The following DLG2 variants were observed in gnomAD, a reference collection of about 807,000 sequenced individuals.
DLG2 encodes the protein disks large homolog 2.
DLG2 carries 45 observed loss-of-function variants against 132.5 expected under a neutral mutation model. That is an observed-to-expected ratio of 0.34 (90% CI 0.27 to 0.44). The LOEUF (loss-of-function observed/expected upper bound fraction) is 0.44. Among genes scored for constraint, DLG2 ranks in the 20% least tolerant of loss-of-function variants. The pLI is 1.00. For missense variants in DLG2, 1,045 were observed against 1,196.9 expected, an observed-to-expected ratio of 0.87 and a Z score of 1.87; for synonymous variants, 424 against 419.6, an observed-to-expected ratio of 1.01 and a Z score of -0.13.
rs372376318 is a variant in DLG2 at position 85,349,815 on chromosome 11, T to G, written c.41-64450A>C. Among the ~76,000 whole-genome samples the G allele has an allele frequency of 1.1e-4, 17 of 152,188 alleles. 1 individual carries two copies. The East Asian group carries it at 1.2e-3, about 10-fold the overall frequency. On this transcript the variant is annotated intron_variant, in intron 3 of 27. Coordinates refer to ENST00000376104, the MANE Select transcript of DLG2 (RefSeq NM_001142699.3). ...TTTTCTCAATCCAGTCTGTCACTGA[T>G]GGACATTTTGGTTGGTTCCAAGTCT...
intron 6 of DLG2, among the ~76,000 whole-genome samples, chr11:84,624,473 C>T (rs2099618845): frequency 1.3e-5 from 2 of 152,050 alleles, no homozygotes; most frequent in Non-Finnish European, 2.9e-5. Flanking sequence ...TTTATTATCA[C>T]TATTAGAACA....
At chr11:84,920,810 C>A (rs1289969438) in intron 6 of DLG2, among the ~76,000 whole-genome samples, 1 of 151,826 alleles carries the variant, frequency 6.6e-6, no homozygotes, top group Non-Finnish European at 1.5e-5. Flanking sequence ...CAATAAAATT[C>A]TTTGTTATAT....
chr11:84,861,321 A>C (rs189203033), intron 6 of DLG2, among the ~76,000 whole-genome samples: 10 of 152,180 alleles, frequency 6.6e-5, no homozygotes. Context: ...CAGTAGGTTT[A>C]TAGTTGCTAG....
intron 10 of DLG2, among the ~76,000 whole-genome samples, chr11:84,075,695 T>A (rs950059579): frequency 6.6e-6 from 1 of 152,204 alleles, no homozygotes; most frequent in Non-Finnish European, 1.5e-5. Flanking sequence ...TGATTAGTGA[T>A]GCTGTTTTCT....
intron 6 of DLG2, among the ~76,000 whole-genome samples, chr11:84,717,383 T>A (rs1315254807): frequency 6.6e-6 from 1 of 152,040 alleles, no homozygotes; most frequent in East Asian, 1.9e-4. Flanking sequence ...TATTTTATAT[T>A]TTTTTCTTAA....
At chr11:85,455,376 A>G (rs2092388197) in intron 3 of DLG2, among the ~76,000 whole-genome samples, 1 of 152,206 alleles carries the variant, frequency 6.6e-6, no homozygotes, top group African/African-American at 2.4e-5. Flanking sequence ...TTGATTTTGT[A>G]TCCCAAAACT....
At chr11:83,588,841 A>C (rs1189540860) in intron 19 of DLG2, among the ~76,000 whole-genome samples, 1 of 152,240 alleles carries the variant, frequency 6.6e-6, no homozygotes, top group African/African-American at 2.4e-5. Flanking sequence ...TACATGAAGA[A>C]TGCAGAAGCG....
At chr11:84,324,588 T>C (rs1021491572) in intron 7 of DLG2, among the ~76,000 whole-genome samples, 1 of 152,120 alleles carries the variant, frequency 6.6e-6, no homozygotes, top group African/African-American at 2.4e-5. Context: ...ACCATCGAGA[T>C]TTTGATAGTG....
At chr11:84,561,632 T>C (rs537149624) in intron 6 of DLG2, among the ~76,000 whole-genome samples, 147 of 152,290 alleles carry the variant, frequency 9.7e-4, no homozygotes, top group African/African-American at 3.4e-3. Flanking sequence ...CATTTATAAT[T>C]CCTCAATAAA....
chr11:84,909,998 G>T (rs1324916046), intron 6 of DLG2, among the ~76,000 whole-genome samples: 1 of 152,164 alleles, frequency 6.6e-6, no homozygotes, highest in Non-Finnish European at 1.5e-5. Context: ...GAGGGAAGAG[G>T]TGAGAATCAC....
chr11:85,477,298 T>C (rs995765277), intron 3 of DLG2, among the ~76,000 whole-genome samples: 23 of 152,312 alleles, frequency 1.5e-4, no homozygotes, highest in Admixed American at 1.1e-3. Context: ...CTCGTATGTA[T>C]ACAAAATTAA....
intron 6 of DLG2, among the ~76,000 whole-genome samples, chr11:84,981,506 G>A (rs1326189060): frequency 2.0e-5 from 3 of 152,118 alleles, no homozygotes; most frequent in African/African-American, 7.2e-5. Flanking sequence ...CTTGTGTTTT[G>A]AGCTCTGATT....
intron 6 of DLG2, among the ~76,000 whole-genome samples, chr11:84,582,282 C>A (rs914543404): frequency 6.6e-6 from 1 of 150,776 alleles, no homozygotes; most frequent in Admixed American, 6.6e-5. Flanking sequence ...CAAAATTATA[C>A]AAATCTTGAA....
intron 11 of DLG2, among the ~76,000 whole-genome samples, chr11:83,983,689 G>A (rs968765976): frequency 7.9e-5 from 12 of 152,134 alleles, no homozygotes; most frequent in Admixed American, 5.2e-4. Flanking sequence ...TGTGATGTGA[G>A]TAATTATTTT....
chr11:83,676,811 A>G (rs1329984081), intron 18 of DLG2, among the ~76,000 whole-genome samples: 1 of 152,168 alleles, frequency 6.6e-6, no homozygotes, highest in Non-Finnish European at 1.5e-5. Flanking sequence ...CACACTTGCA[A>G]CTAAGGGCCC....
At chr11:85,038,967 T>A (rs932076431) in intron 6 of DLG2, among the ~76,000 whole-genome samples, 1 of 152,070 alleles carries the variant, frequency 6.6e-6, no homozygotes, top group African/African-American at 2.4e-5. Context: ...CAATATTTGT[T>A]ACTTCCATAA....
intron 6 of DLG2, among the ~76,000 whole-genome samples, chr11:85,011,499 G>A (rs2059144352): frequency 6.6e-6 from 1 of 152,172 alleles, no homozygotes; most frequent in Admixed American, 6.5e-5. Flanking sequence ...ACTTAGTCAA[G>A]AGTGCATTGA....
intron 3 of DLG2, among the ~76,000 whole-genome samples, chr11:85,533,543 A>T (rs1439889338): frequency 6.6e-6 from 1 of 151,724 alleles, no homozygotes; most frequent in Non-Finnish European, 1.5e-5. Context: ...ATCTAAATCC[A>T]TCACTGATGG....
chr11:83,491,033 A>G (rs2093810993), intron 21 of DLG2, among the ~76,000 whole-genome samples: 1 of 151,952 alleles, frequency 6.6e-6, no homozygotes, highest in African/African-American at 2.4e-5. Flanking sequence ...TTTCATAATA[A>G]GGATAAGAAA....
Sources: allele counts gnomAD v4.1 joint callset (sites outside exome capture counted in the v4.1 genomes callset), GRCh38; gene constraint gnomAD v4.1.1; transcripts MANE v1.5; gene names NCBI Gene and HGNC (gene_info 2026-07-23, HGNC 2026-07-21).